Variants in SEMA6D observed in about 807,000 individuals in gnomAD.
The protein encoded by SEMA6D is semaphorin 6D, also known as semaphorin-6D.
In SEMA6D, 35 loss-of-function variants were observed where a neutral mutation model predicts 106.6. That is an observed-to-expected ratio of 0.33 (90% CI 0.25 to 0.44). The LOEUF is 0.44. SEMA6D is among the 20% of genes least tolerant of loss of function. SEMA6D has a pLI of 1.00. For synonymous variants in SEMA6D, 499 were observed against 487.7 expected (o/e 1.02, Z -0.31); for missense variants, 1,185 against 1,345.9 (o/e 0.88, Z 1.87).
chr15:47,715,931 G>T (rs2079102926), upstream of SEMA6D, among the ~76,000 whole-genome samples: 1 of 152,210 alleles, frequency 6.6e-6, no homozygotes, highest in Non-Finnish European at 1.5e-5. Flanking sequence ...TGCAACGGGG[G>T]CTTGCTCCCT....
chr15:47,602,510 G>A (rs1166701107), intron 4 of SEMA6D, among the ~76,000 whole-genome samples: 2 of 152,006 alleles, frequency 1.3e-5, no homozygotes, highest in Non-Finnish European at 1.5e-5. Flanking sequence ...GGGGCTTGTG[G>A]GGAGAGATTG....
intron 1 of SEMA6D, chr15:47,395,487 C>T (rs1048172790): frequency 6.6e-6 from 1 of 152,158 alleles, no homozygotes; most frequent in Non-Finnish European, 1.5e-5. Flanking sequence ...TGGAAAGACC[C>T]TTCGTTAATT....
In SEMA6D at chr15:47,211,108, A is replaced by G. The variant is rs577072862; in HGVS notation, c.-239+26690A>G. 3.3e-5 allele frequency among the ~76,000 whole-genome samples: 5 copies of G among 152,288 alleles called. No individual in the cohort carries two copies. The South Asian group carries it at 1.0e-3, about 32-fold the overall frequency. ...TGCTACTAACAGTTTTGTGTGTGTG[A>G]TGCCTAATGATGCCAGTAATAATAT... On this transcript the variant is annotated intron_variant, in intron 1 of 19. Transcript: ENST00000558014.
intron 3 of SEMA6D, among the ~76,000 whole-genome samples, chr15:47,516,006 G>A (rs1291778786): frequency 6.6e-6 from 1 of 152,162 alleles, no homozygotes; most frequent in African/African-American, 2.4e-5. Flanking sequence ...TTGGAAACCA[G>A]AGAGCCACAC....
rs1408985894 is a variant in SEMA6D, at chr15:47,742,071, G to A, written c.-54-17674G>A. ...GGTTCAGAGAACAACAGGAGCCAAG[G>A]GCAGGAGGCCTCAGCTGAGCTGGCC... is the stretch of plus-strand genomic sequence containing the variant. On this transcript the variant is annotated intron_variant, in intron 1 of 18. Transcript: ENST00000536845. Among the ~76,000 whole-genome samples the A allele has an allele frequency of 5.9e-5, 9 of 152,304 alleles. No homozygotes were observed. The East Asian group carries it at 1.5e-3, about 26-fold the overall frequency.
chr15:47,232,665 T>C (rs2032282050), intron 1 of SEMA6D, among the ~76,000 whole-genome samples: 1 of 151,996 alleles, frequency 6.6e-6, no homozygotes, highest in South Asian at 2.1e-4. Context: ...TTTATTTTTT[T>C]CACACTATTG....
Position 47,476,479 on chromosome 15 carries a change from CT to C in SEMA6D, c.-87+5936del, listed in dbSNP as rs1166468192. On this transcript the variant is annotated intron_variant, in intron 3 of 19. Transcript: ENST00000558014. ...AACCAATGGTGGAGCTTAGAAACAG[CT>C]TAGAATTATGTACTATTTCTTCCAC... is the stretch of plus-strand genomic sequence containing the variant. Among the ~76,000 whole-genome samples the C allele has an allele frequency of 3.3e-5, 5 of 152,204 alleles. No individual in the cohort carries two copies. The South Asian group carries it at 8.3e-4, about 25-fold the overall frequency.
At chr15:47,694,230 T>C (rs1462466732) in intron 4 of SEMA6D, among the ~76,000 whole-genome samples, 1 of 152,090 alleles carries the variant, frequency 6.6e-6, no homozygotes, top group African/African-American at 2.4e-5. Context: ...TGCTCACATT[T>C]GAAAAACATT....
At chr15:47,765,333 G>A (rs913773199) in intron 13 of SEMA6D, 2 of 1,207,030 alleles carry the variant, frequency 1.7e-6, no homozygotes, top group South Asian at 2.2e-5. Context: ...TTATCTTGCA[G>A]ATATATTCCA....
intron 3 of SEMA6D, among the ~76,000 whole-genome samples, chr15:47,515,027 C>A (rs532126258): frequency 3.5e-4 from 54 of 152,308 alleles, no homozygotes; most frequent in Admixed American, 3.1e-3. Context: ...TTTCCTACCC[C>A]CATTCTTTCC....
intron 1 of SEMA6D, among the ~76,000 whole-genome samples, chr15:47,207,085 A>G (rs763434010): frequency 7.2e-5 from 11 of 152,214 alleles, no homozygotes; most frequent in African/African-American, 1.2e-4. Flanking sequence ...GTGGTGGGCA[A>G]TTAGGCAGCA....
At chr15:47,220,869 C>T (rs781087583) in intron 1 of SEMA6D, among the ~76,000 whole-genome samples, 3 of 152,128 alleles carry the variant, frequency 2.0e-5, no homozygotes, top group Non-Finnish European at 4.4e-5. Flanking sequence ...TTTGTTGTTC[C>T]TTGAAAAATT....
At chr15:47,655,350 G>A (rs1007128516) in intron 4 of SEMA6D, among the ~76,000 whole-genome samples, 2 of 152,236 alleles carry the variant, frequency 1.3e-5, no homozygotes, top group South Asian at 2.1e-4. Context: ...GGATTTTGAT[G>A]TGAAACCAGG....
At position 47,608,748 on chromosome 15, in the gene SEMA6D, A is replaced by C. The variant is rs115314250; in HGVS notation, c.-55+7852A>C. Among the ~76,000 whole-genome samples the C allele has an allele frequency of 3.7e-3, 565 of 152,244 alleles. 7 individuals carry two copies. Among genetic ancestry groups the C allele is most frequent in the African/African-American group, 0.013 (551 of 41,562 alleles). Reference sequence around the variant, plus strand: ...AATAATTCAATCTCCTTCTGCCCAAAATCTGAAGTATATGTATTTAAATCA... The same window carrying C: ...AATAATTCAATCTCCTTCTGCCCAACATCTGAAGTATATGTATTTAAATCA... On this transcript the variant is annotated intron_variant, in intron 4 of 19. Coordinates refer to the SEMA6D transcript ENST00000558014.
At chr15:47,566,275 G>C (rs1343942758) in intron 3 of SEMA6D, among the ~76,000 whole-genome samples, 1 of 152,224 alleles carries the variant, frequency 6.6e-6, no homozygotes, top group African/African-American at 2.4e-5. Flanking sequence ...TGCTTTGACA[G>C]ATTCATGCTA....
At chr15:47,534,079 C>G (rs1257836295) in intron 3 of SEMA6D, among the ~76,000 whole-genome samples, 1 of 152,042 alleles carries the variant, frequency 6.6e-6, no homozygotes, top group African/African-American at 2.4e-5. Flanking sequence ...GCACAGATTG[C>G]CAGGGTGCCT....
intron 1 of SEMA6D, among the ~76,000 whole-genome samples, chr15:47,206,260 G>A (rs902805597): frequency 6.6e-6 from 1 of 152,142 alleles, no homozygotes; most frequent in Non-Finnish European, 1.5e-5. Context: ...ATGTATATGT[G>A]TCTTTTTTGG....
At chr15:47,284,927 A>C (rs961264997) in intron 1 of SEMA6D, among the ~76,000 whole-genome samples, 3 of 152,174 alleles carry the variant, frequency 2.0e-5, no homozygotes, top group Non-Finnish European at 2.9e-5. Context: ...TTTGTGATAG[A>C]CAGTTCCTTG....
intron 2 of SEMA6D, among the ~76,000 whole-genome samples, chr15:47,462,103 C>G (rs1012381731): frequency 6.6e-6 from 1 of 151,896 alleles, no homozygotes; most frequent in Non-Finnish European, 1.5e-5. Flanking sequence ...TTTTCCAGAC[C>G]ACGCCAGTGT....
Sources: allele counts gnomAD v4.1 joint callset (sites outside exome capture counted in the v4.1 genomes callset), GRCh38; gene constraint gnomAD v4.1.1; transcripts MANE v1.5; gene names NCBI Gene and HGNC (gene_info 2026-07-23, HGNC 2026-07-21).